Variants in INSL6 observed in about 807,000 individuals in gnomAD.
The protein encoded by INSL6 is insulin-like peptide INSL6.
INSL6 carries 16 observed loss-of-function variants against 9.4 expected under a neutral mutation model. The ratio of observed to expected loss-of-function variants is 1.70; its 90% CI spans 1.15 to 2.59. The LOEUF (loss-of-function observed/expected upper bound fraction) is 2.59, where lower values mean the gene tolerates loss of function less well. Ranked by LOEUF, INSL6 falls within the 30% of genes most tolerant of loss-of-function variation. The pLI is 0.00. For synonymous variants in INSL6, 154 were observed against 96.9 expected (o/e 1.59, Z -3.46); for missense variants, 391 against 257.3 (o/e 1.52, Z -3.56).
the INSL6 span, among the ~76,000 whole-genome samples, chr9:5,060,675 C>A: frequency 6.6e-6 from 1 of 152,290 alleles, no homozygotes. Context: ...AGTCGTGAAC[C>A]CCTCAAAGTC....
chr9:5,156,320 T>C (rs1824814033), intron 2 of INSL6, among the ~76,000 whole-genome samples: 2 of 152,186 alleles, frequency 1.3e-5, no homozygotes, highest in African/African-American at 4.8e-5. Flanking sequence ...GAGGCAACAC[T>C]TCACAGCTCA....
chr9:5,144,071 C>T (rs190779665), intron 2 of INSL6, among the ~76,000 whole-genome samples: 202 of 152,284 alleles, frequency 1.3e-3, no homozygotes, highest in Non-Finnish European at 2.4e-3. Flanking sequence ...TCTTGGTTCT[C>T]CAGTTATTTT....
intron 2 of INSL6, among the ~76,000 whole-genome samples, chr9:5,136,799 G>C (rs1055673532): frequency 2.6e-5 from 4 of 151,996 alleles, no homozygotes; most frequent in Admixed American, 1.3e-4. Context: ...AGAAATAAAG[G>C]GTATTCAATT....
At chr9:5,076,300 A>T in the INSL6 span, among the ~76,000 whole-genome samples, 1 of 152,194 alleles carries the variant, frequency 6.6e-6, no homozygotes, top group African/African-American at 2.4e-5. Context: ...GCTATCAAAC[A>T]GCATTGCATG....
the INSL6 span, chr9:5,085,334 C>G: frequency 1.2e-6 from 1 of 861,682 alleles, no homozygotes; most frequent in East Asian, 2.6e-5. Flanking sequence ...AGCTGAAAAG[C>G]TATTCCTACA....
downstream of INSL6, among the ~76,000 whole-genome samples, chr9:5,161,529 G>C (rs946620925): frequency 6.6e-6 from 1 of 152,168 alleles, no homozygotes; most frequent in Non-Finnish European, 1.5e-5. Context: ...TCTGGAACCT[G>C]ACAAGGTTGT....
At chr9:5,116,525 T>G in the INSL6 span, among the ~76,000 whole-genome samples, 1 of 152,212 alleles carries the variant, frequency 6.6e-6, no homozygotes, top group African/African-American at 2.4e-5. Context: ...TTTAATTGTT[T>G]TTATTGTTTT....
chr9:5,098,732 C>G, the INSL6 span: 1 of 150,206 alleles, frequency 6.7e-6, no homozygotes, highest in East Asian at 2.0e-4. Context: ...CTCGCTCTGT[C>G]GCCCAGGCTG....
At chr9:5,005,313 T>C in the INSL6 span, among the ~76,000 whole-genome samples, 1 of 151,962 alleles carries the variant, frequency 6.6e-6, no homozygotes, top group Middle Eastern at 3.4e-3. Flanking sequence ...GGTTATTTGT[T>C]TTCTTGCTTT....
chr9:5,121,054 G>C (rs953510645), downstream of INSL6, among the ~76,000 whole-genome samples: 1 of 152,078 alleles, frequency 6.6e-6, no homozygotes, highest in Non-Finnish European at 1.5e-5. Flanking sequence ...AACCAAGAGA[G>C]GAATAAATCT....
Position 5,154,143 on chromosome 9 carries a change from G to T in INSL6, c.376+10036C>A, listed in dbSNP as rs993245053. The stretch of plus-strand genomic sequence containing the variant: ...AACAGAGATACAGACCAATGGAACA[G>T]AACAGAAGCCTCAGAAATAATACCA... On this transcript the variant is annotated intron_variant, in intron 2 of 3. Coordinates refer to the INSL6 transcript ENST00000649639. Among the ~76,000 whole-genome samples, 9 of 152,186 alleles carry T rather than the reference G, an allele frequency of 5.9e-5. No homozygotes were observed. In the East Asian group the frequency reaches 1.7e-3, roughly 29 times the overall value.
the INSL6 span, among the ~76,000 whole-genome samples, chr9:5,093,424 A>ACATGAGGGTTCAGCTGT: frequency 6.6e-5 from 10 of 152,172 alleles, no homozygotes; most frequent in Middle Eastern, 3.2e-3. Context: ...AAGAATGGCC[A>ACATGAGGGTTCAGCTGT]CATGAGGGTT....
At chr9:5,044,706 T>A in the INSL6 span, among the ~76,000 whole-genome samples, 1 of 151,702 alleles carries the variant, frequency 6.6e-6, no homozygotes, top group African/African-American at 2.4e-5. Context: ...TTATGGATAA[T>A]AGAATCTATT....
chr9:5,034,939 G>T, the INSL6 span, among the ~76,000 whole-genome samples: 3 of 151,936 alleles, frequency 2.0e-5, no homozygotes, highest in Admixed American at 2.0e-4. Flanking sequence ...AAAAATCAAT[G>T]AATGCTGGAG....
chr9:5,040,444 AGTT>A, the INSL6 span, among the ~76,000 whole-genome samples: 1 of 150,872 alleles, frequency 6.6e-6, no homozygotes, highest in Non-Finnish European at 1.5e-5. Flanking sequence ...AAAGAAAAAT[AGTT>A]AAGTTAGGCT....
At chr9:5,159,805 G>A (rs1413598714), downstream of INSL6, among the ~76,000 whole-genome samples, 2 of 152,160 alleles carry the variant, frequency 1.3e-5, no homozygotes, top group Non-Finnish European at 2.9e-5. Flanking sequence ...GACCTAATAG[G>A]TATTTACAGA....
chr9:5,147,640 T>C (rs1351247320), intron 2 of INSL6, among the ~76,000 whole-genome samples: 2 of 147,720 alleles, frequency 1.4e-5, no homozygotes, highest in East Asian at 3.9e-4. Context: ...ATAGACCATC[T>C]TCAAATATAT....
the INSL6 span, among the ~76,000 whole-genome samples, chr9:4,993,869 C>T: frequency 2.0e-5 from 3 of 152,144 alleles, no homozygotes; most frequent in African/African-American, 7.2e-5. Context: ...TGGGTTTTTC[C>T]GGGTGCTCCA....
At chr9:5,032,347 G>A in the INSL6 span, among the ~76,000 whole-genome samples, 1 of 152,248 alleles carries the variant, frequency 6.6e-6, no homozygotes, top group Admixed American at 6.5e-5. Flanking sequence ...ACAAAAGGCA[G>A]CAGAATCCTT....
Sources: allele counts gnomAD v4.1 joint callset (sites outside exome capture counted in the v4.1 genomes callset), GRCh38; gene constraint gnomAD v4.1.1; transcripts MANE v1.5; gene names NCBI Gene and HGNC (gene_info 2026-07-23, HGNC 2026-07-21).